AGBL1: variants seen among roughly 807,000 people sequenced by gnomAD.
AGBL1 encodes the protein cytosolic carboxypeptidase 4.
AGBL1 carries 130 observed loss-of-function variants against 118.9 expected under a neutral mutation model. The ratio of observed to expected loss-of-function variants is 1.09; its 90% CI spans 0.95 to 1.26. The LOEUF (loss-of-function observed/expected upper bound fraction) is 1.26. AGBL1 is among the 50% of genes most tolerant of loss of function. The pLI is 0.00. For missense variants in AGBL1, 1,584 were observed against 1,298.1 expected (o/e 1.22, Z -3.38); for synonymous variants, 555 against 478.9 (o/e 1.16, Z -2.08).
intron 21 of AGBL1, among the ~76,000 whole-genome samples, chr15:86,645,901 A>G (rs567535606): frequency 1.3e-5 from 2 of 152,330 alleles, no homozygotes; most frequent in South Asian, 4.1e-4. Context: ...TTCAAAATCA[A>G]AAACCAAAAC....
chr15:86,823,919 G>C (rs189869660), intron 22 of AGBL1, among the ~76,000 whole-genome samples: 1 of 152,060 alleles, frequency 6.6e-6, no homozygotes, highest in Non-Finnish European at 1.5e-5. Context: ...AAATGGAGGA[G>C]AATTACCTCA....
At chr15:86,711,336 A>T (rs1354463809) in intron 22 of AGBL1, among the ~76,000 whole-genome samples, 1 of 152,204 alleles carries the variant, frequency 6.6e-6, no homozygotes, top group Non-Finnish European at 1.5e-5. Context: ...TTGGTAAATG[A>T]GTTCTGCAGT....
chr15:86,263,655 ATTGGGAACAT>A (rs1234608085), intron 10 of AGBL1, among the ~76,000 whole-genome samples: 3 of 152,204 alleles, frequency 2.0e-5, no homozygotes, highest in African/African-American at 7.2e-5. Flanking sequence ...ATAGAAACAA[ATTGGGAACAT>A]TAGACCTGGT....
chr15:86,827,628 A>G (rs1216002251), intron 22 of AGBL1, among the ~76,000 whole-genome samples: 2 of 142,988 alleles, frequency 1.4e-5, no homozygotes, highest in African/African-American at 5.1e-5. Context: ...AATGGCTGTT[A>G]CAGTGAGAAT....
intron 17 of AGBL1, among the ~76,000 whole-genome samples, chr15:86,299,399 C>T (rs1285289387): frequency 1.3e-5 from 2 of 152,034 alleles, no homozygotes; most frequent in African/African-American, 4.8e-5. Context: ...GATGAATAGG[C>T]GTTGGGCAGT....
At chr15:86,919,830 G>T (rs902847480), downstream of AGBL1, among the ~76,000 whole-genome samples, 1 of 152,144 alleles carries the variant, frequency 6.6e-6, no homozygotes, top group African/African-American at 2.4e-5. Context: ...GATGTGTCCA[G>T]CCTGTAAAGC....
chr15:86,556,130 C>T (rs552782902), intron 21 of AGBL1: 6 of 1,065,662 alleles, frequency 5.6e-6, no homozygotes, highest in East Asian at 5.2e-5. Flanking sequence ...GTGCCATTCA[C>T]AATAAATCAG....
intron 24 of AGBL1, among the ~76,000 whole-genome samples, chr15:87,007,402 C>A (rs1322616817): frequency 1.3e-5 from 2 of 152,086 alleles, no homozygotes; most frequent in Non-Finnish European, 2.9e-5. Flanking sequence ...TCAAGAAAAT[C>A]AATTTTAATA....
At chr15:86,554,854 A>T (rs1295363290) in intron 21 of AGBL1, among the ~76,000 whole-genome samples, 1 of 152,176 alleles carries the variant, frequency 6.6e-6, no homozygotes, top group Non-Finnish European at 1.5e-5. Context: ...CTGTTGTTAT[A>T]TGCATAAAAT....
intron 21 of AGBL1, among the ~76,000 whole-genome samples, chr15:86,616,352 A>AT (rs1555430782): frequency 0.058 from 1,460 of 24,962 alleles, 43 homozygotes; most frequent in African/African-American, 0.12. Flanking sequence ...AAAAAAAAAA[A>AT]AAAAAAAAAA....
At chr15:86,467,252 T>C (rs569899279) in intron 18 of AGBL1, among the ~76,000 whole-genome samples, 3 of 152,110 alleles carry the variant, frequency 2.0e-5, no homozygotes, top group African/African-American at 7.2e-5. Flanking sequence ...CCGAACTTCC[T>C]GATGGCTTTG....
At chr15:87,012,702 C>A (rs370885164) in intron 24 of AGBL1, among the ~76,000 whole-genome samples, 1 of 151,686 alleles carries the variant, frequency 6.6e-6, no homozygotes, top group African/African-American at 2.4e-5. Context: ...GTAGTCAATA[C>A]GAAAAAAATT....
intron 18 of AGBL1, among the ~76,000 whole-genome samples, chr15:86,424,938 G>A (rs1324459907): frequency 6.6e-6 from 1 of 152,158 alleles, no homozygotes; most frequent in Non-Finnish European, 1.5e-5. Flanking sequence ...TTACACTGTT[G>A]GTGGGAGTGT....
At chr15:86,840,877 A>G (rs769700141) in intron 22 of AGBL1, among the ~76,000 whole-genome samples, 1 of 152,204 alleles carries the variant, frequency 6.6e-6, no homozygotes, top group Non-Finnish European at 1.5e-5. Flanking sequence ...TGTCCCAACC[A>G]TGCTATTTCT....
chr15:86,267,063 A>G lies in AGBL1; in HGVS notation c.1825A>G (p.Ile609Val). 6.4e-7 allele frequency: 1 copy of G among 1,563,118 alleles called. No individual in the cohort carries two copies. Among genetic ancestry groups the G allele is most frequent in the Non-Finnish European group, 8.7e-7 (1 of 1,152,606 alleles). The change falls in exon 13 of 23, where the codon ATC (isoleucine) becomes GTC (valine). Residue 609 changes from isoleucine to valine, a missense_variant. Transcript: ENST00000614907. ...KFESGNLRKA[I>V]QVREFEYDLL... ...TGAGTCAGGAAATCTTCGCAAAGCC[A>G]TCCAAGTGCGTGAGTAAGTAAGGAA...
At chr15:86,988,607 ACTTTCT>A (rs2081307924) in intron 24 of AGBL1, among the ~76,000 whole-genome samples, 1 of 152,134 alleles carries the variant, frequency 6.6e-6, no homozygotes, top group Non-Finnish European at 1.5e-5. Flanking sequence ...AGGATTTATC[ACTTTCT>A]CTTTGTATTT....
chr15:86,814,562 T>A (rs1207546815), intron 22 of AGBL1, among the ~76,000 whole-genome samples: 1 of 152,310 alleles, frequency 6.6e-6, no homozygotes, highest in Non-Finnish European at 1.5e-5. Context: ...AAAGGGATAG[T>A]CTCCATATTC....
At chr15:86,493,178 G>A (rs1431704226) in intron 18 of AGBL1, among the ~76,000 whole-genome samples, 1 of 152,032 alleles carries the variant, frequency 6.6e-6, no homozygotes, top group Non-Finnish European at 1.5e-5. Context: ...TGGTGACAGA[G>A]TGAGACTCTG....
intron 23 of AGBL1, among the ~76,000 whole-genome samples, chr15:86,933,808 C>A (rs954376485): frequency 6.6e-6 from 1 of 152,204 alleles, no homozygotes; most frequent in African/African-American, 2.4e-5. Flanking sequence ...GTGTCTTATG[C>A]AATGCATATA....
Sources: gnomAD v4.1 joint callset for allele counts (sites outside exome capture counted in the v4.1 genomes callset) on GRCh38, gnomAD v4.1.1 for gene constraint, MANE v1.5 for transcripts, NCBI Gene and HGNC (gene_info 2026-07-23, HGNC 2026-07-21) for gene names.